Variants in CACNA1A observed in about 807,000 individuals in gnomAD.
The protein encoded by CACNA1A is voltage-dependent P/Q-type calcium channel subunit alpha-1A.
In CACNA1A, 57 loss-of-function variants were observed where a neutral mutation model predicts 262.4. The ratio of observed to expected loss-of-function variants is 0.22; its 90% CI spans 0.18 to 0.27. The LOEUF (loss-of-function observed/expected upper bound fraction) is 0.27. CACNA1A is among the 10% of genes least tolerant of loss of function. The pLI is 1.00. For synonymous variants in CACNA1A, 1,431 were observed against 1,419.3 expected, an observed-to-expected ratio of 1.01 and a Z score of -0.18; for missense variants, 2,526 against 3,562.8, an observed-to-expected ratio of 0.71 and a Z score of 7.41.
intron 10 of CACNA1A, among the ~76,000 whole-genome samples, chr19:13,318,535 C>T (rs1180056916): frequency 6.6e-6 from 1 of 151,966 alleles, no homozygotes; most frequent in Non-Finnish European, 1.5e-5. Context: ...CTCTGGCTGC[C>T]GAGTGGGAGA....
intron 1 of CACNA1A, among the ~76,000 whole-genome samples, chr19:13,475,604 C>T (rs1752608509): frequency 6.6e-6 from 1 of 152,158 alleles, no homozygotes; most frequent in African/African-American, 2.4e-5. Context: ...AAGGATACCC[C>T]CTCAGGAAGA....
chr19:13,288,163 A>G (rs1321334766), intron 19 of CACNA1A, among the ~76,000 whole-genome samples: 1 of 151,998 alleles, frequency 6.6e-6, no homozygotes, highest in Non-Finnish European at 1.5e-5. Flanking sequence ...CCTCTCACAC[A>G]GTCAATGCTG....
At chr19:13,329,703 C>A (rs1201398495) in intron 10 of CACNA1A, among the ~76,000 whole-genome samples, 1 of 151,414 alleles carries the variant, frequency 6.6e-6, no homozygotes, top group Non-Finnish European at 1.5e-5. Flanking sequence ...GAACTCCCGA[C>A]ATCAGGTGAT....
intron 3 of CACNA1A, among the ~76,000 whole-genome samples, chr19:13,397,432 G>A (rs2059827884): frequency 6.6e-6 from 1 of 152,200 alleles, no homozygotes; most frequent in Non-Finnish European, 1.5e-5. Context: ...GGTGGAAGAA[G>A]ATAGGAATGT....
chr19:13,504,470 G>C (rs1484503371), intron 1 of CACNA1A, among the ~76,000 whole-genome samples: 1 of 151,968 alleles, frequency 6.6e-6, no homozygotes, highest in Non-Finnish European at 1.5e-5. Flanking sequence ...CAGCACCCAG[G>C]ATCCAAGCGC....
At chr19:13,243,047 C>T (rs751461612) in intron 31 of CACNA1A, among the ~76,000 whole-genome samples, 3 of 152,238 alleles carry the variant, frequency 2.0e-5, no homozygotes, top group Non-Finnish European at 4.4e-5. Flanking sequence ...ACCTGCCCTT[C>T]TGGGGAGCTG....
At chr19:13,410,183 C>T (rs867617676) in intron 3 of CACNA1A, among the ~76,000 whole-genome samples, 4 of 152,060 alleles carry the variant, frequency 2.6e-5, no homozygotes, top group Non-Finnish European at 5.9e-5. Context: ...ATGTTTTTCT[C>T]CCCTAATAGG....
chr19:13,378,735 T>C (rs946073794), intron 3 of CACNA1A, among the ~76,000 whole-genome samples: 4 of 150,946 alleles, frequency 2.6e-5, no homozygotes, highest in African/African-American at 9.7e-5. Flanking sequence ...CAATCTCGGC[T>C]CACTGCAATC....
rs1252259121 is a variant in CACNA1A, at chr19:13,252,987, T to C, written c.4866+4A>G. ...CATAGCTGTAGCCCCAAGGTGGTAC[T>C]TACCAGAATCCCAAAAGCCATGACT... On this transcript the variant is annotated splice_donor_region_variant and intron_variant, in intron 30 of 46. Coordinates refer to ENST00000360228, the MANE Select transcript of CACNA1A (RefSeq NM_001127222.2). 1.3e-6 allele frequency: 2 copies of C among 1,596,372 alleles called. No individual in the cohort carries two copies. Among genetic ancestry groups the C allele is most frequent in the African/African-American group, 2.7e-5 (2 of 74,498 alleles).
chr19:13,365,115 G>A (rs1026568906), intron 5 of CACNA1A: 3 of 429,128 alleles, frequency 7.0e-6, no homozygotes, highest in African/African-American at 6.0e-5. Context: ...TTTCTCTGCT[G>A]GGTCACCTTC....
chr19:13,235,750 G>A lies in CACNA1A; in HGVS notation c.4951-20C>T, dbSNP rs1408289579. ...GTTATTCTGGGGAGATGGAGGAAGA[G>A]GGGTGACCATCCACCCACCCCAAAA... is the stretch of plus-strand genomic sequence containing the variant. On this transcript the variant is annotated intron_variant, in intron 31 of 46. Transcript: ENST00000360228. 4 of 1,568,088 alleles carry A rather than the reference G, an allele frequency of 2.6e-6. No individual in the cohort carries two copies. In the South Asian group the frequency reaches 4.4e-5, roughly 17 times the overall value.
chr19:13,286,752 C>T lies in CACNA1A; in HGVS notation c.3304G>A (p.Asp1102Asn), dbSNP rs372823282. 2.3e-4 allele frequency: 363 copies of T among 1,608,514 alleles called. 4 individuals are homozygous for T. The South Asian group carries it at 3.6e-3, about 16-fold the overall frequency. ...QSPAKMGNST[D>N]PGPMLAIPAM... ...GGGATGGCCAGCATGGGGCCGGGGT[C>T]GGTGCTGTTTCCCATCTTGGCTGGG... Residue 1102 changes from aspartate to asparagine, a missense_variant, in exon 20 of 47, where the codon GAC (aspartate) becomes AAC (asparagine). This residue lies in a region of CACNA1A where 765 missense variants were observed against 748.6 expected (regional missense o/e 1.02). Transcript: ENST00000360228.
In CACNA1A at chr19:13,427,774, AAAACAAACAAACAAAC is replaced by A. The variant is rs60914806; in HGVS notation, c.539+25086_539+25101del. Among the ~76,000 whole-genome samples, 23 of 150,916 alleles carry A rather than the reference AAAACAAACAAACAAAC, an allele frequency of 1.5e-4. 2 individuals are homozygous for A. In the South Asian group the frequency reaches 4.6e-3, roughly 30 times the overall value. The stretch of plus-strand genomic sequence containing the variant: ...GCAGAAGCAGGAAAACACAGTGGTA[AAAACAAACAAACAAAC>A]AAACAAACAAACAAACATACACACA... On this transcript the variant is annotated intron_variant, in intron 3 of 46. Coordinates refer to ENST00000360228, the MANE Select transcript of CACNA1A (RefSeq NM_001127222.2).
chr19:13,384,190 T>C (rs2059569418), intron 3 of CACNA1A, among the ~76,000 whole-genome samples: 1 of 152,154 alleles, frequency 6.6e-6, no homozygotes, highest in Non-Finnish European at 1.5e-5. Context: ...AGGGGCTTTT[T>C]TTGTATAGCA....
chr19:13,312,891 T>C (rs2058060331), intron 11 of CACNA1A, 110 bp from the exon 12 acceptor site: 1 of 559,428 alleles, frequency 1.8e-6, no homozygotes, highest in South Asian at 2.7e-5. Flanking sequence ...TTATTTTTTG[T>C]AGAGATGAGG....
At chr19:13,270,543 T>G (rs1444836143) in intron 24 of CACNA1A, among the ~76,000 whole-genome samples, 4 of 152,200 alleles carry the variant, frequency 2.6e-5, no homozygotes, top group Non-Finnish European at 4.4e-5. Context: ...AGAGACCTTC[T>G]CAGGCAAAAG....
At chr19:13,444,021 T>G (rs947421311) in intron 3 of CACNA1A, among the ~76,000 whole-genome samples, 16 of 152,236 alleles carry the variant, frequency 1.1e-4, no homozygotes, top group Non-Finnish European at 1.0e-4. Flanking sequence ...ACATCATTAT[T>G]ATCACTGTCA....
intron 3 of CACNA1A, among the ~76,000 whole-genome samples, chr19:13,443,507 A>G (rs1352684640): frequency 6.6e-6 from 1 of 152,132 alleles, no homozygotes; most frequent in Non-Finnish European, 1.5e-5. Flanking sequence ...ATACCTGGCC[A>G]ACTGAAAAAA....
At chr19:13,295,463 CTTGT>C (rs917724390) in intron 19 of CACNA1A, among the ~76,000 whole-genome samples, 3 of 150,388 alleles carry the variant, frequency 2.0e-5, no homozygotes, top group African/African-American at 7.3e-5. Context: ...TTTTAGTTTG[CTTGT>C]TTGTTTGGGT....
Sources: allele counts gnomAD v4.1 joint callset (sites outside exome capture counted in the v4.1 genomes callset), GRCh38; gene constraint gnomAD v4.1.1; regional missense constraint gnomAD v4.1.1; transcripts MANE v1.5; gene names NCBI Gene and HGNC (gene_info 2026-07-23, HGNC 2026-07-21).